Variants in GATA3 observed in about 807,000 individuals in gnomAD.
GATA3 encodes GATA binding protein 3.
GATA3 carries 6 observed loss-of-function variants against 36.0 expected under a neutral mutation model. The ratio of observed to expected loss-of-function variants is 0.17; its 90% CI spans 0.09 to 0.33. The LOEUF (loss-of-function observed/expected upper bound fraction) is 0.33, where lower values mean the gene tolerates loss of function less well. GATA3 is among the 10% of genes least tolerant of loss of function. GATA3 has a pLI of 1.00. For synonymous variants in GATA3, 326 were observed against 273.0 expected (o/e 1.19, Z -1.92); for missense variants, 514 against 610.1 (o/e 0.84, Z 1.66).
chr10:8,067,859 AAAAAC>A (rs1051086793), intron 4 of GATA3, among the ~76,000 whole-genome samples: 61 of 152,052 alleles, frequency 4.0e-4, no homozygotes, highest in Middle Eastern at 3.4e-3. Context: ...ACAAAAAACA[AAAAAC>A]AAAACTGTAC....
intron 5 of GATA3, 112 bp downstream of exon 5, chr10:8,069,710 G>A: frequency 7.7e-7 from 1 of 1,299,054 alleles, no homozygotes; most frequent in East Asian, 2.5e-5. Context: ...CAGATGACAG[G>A]TTCCAAATAA....
intron 3 of GATA3, among the ~76,000 whole-genome samples, chr10:8,060,101 G>T (rs1444803356): frequency 6.6e-6 from 1 of 152,140 alleles, no homozygotes; most frequent in Non-Finnish European, 1.5e-5. Context: ...AGTTTTCAGG[G>T]TTTTTTTCCA....
In GATA3 at chr10:8,075,136, T is replaced by C. The variant is rs1832993981; in HGVS notation, c.*1113T>C. On this transcript the variant is annotated 3_prime_UTR_variant, in exon 6 of 6. Transcript: ENST00000379328. ...TGTTCTGTGTTAGTGATCACTGCCT[T>C]TAATACAGTCTGTTGGAATAATATT... is the stretch of plus-strand genomic sequence containing the variant. The C allele has an allele frequency of 8.6e-6, 2 of 232,488 alleles. No homozygotes were observed. The highest frequency in any genetic ancestry group is 4.4e-5 in the African/African-American group (2 of 45,298). The allele number at this position is 232,488 out of a possible 1,614,324, so 14.4% of individuals were successfully genotyped here.
At position 8,069,455 on chromosome 10, in the gene GATA3, C is replaced by G. The variant is rs543958002; in HGVS notation, c.925-18C>G. On this transcript the variant is annotated intron_variant, in intron 4 of 5. Transcript: ENST00000379328. The stretch of plus-strand genomic sequence containing the variant: ...ACATTTGTTTTGATTTCACCCTCTC[C>G]TCTCTCCCCACTCTCAGTCTGCAGC... 6.2e-7 allele frequency: 1 copy of G among 1,612,828 alleles called. No individual in the cohort carries two copies. Among genetic ancestry groups the G allele is most frequent in the Admixed American group, 1.7e-5 (1 of 59,982 alleles).
At position 8,058,672 on chromosome 10, in the gene GATA3, C is replaced by A. The variant is rs1438152893; in HGVS notation, c.609C>A (p.Gly203=). The A allele has an allele frequency of 6.2e-7, 1 of 1,613,308 alleles. No homozygotes were observed. The highest frequency in any genetic ancestry group is 2.2e-5 in the East Asian group (1 of 44,856). The change falls in exon 3 of 6, where the codon GGC becomes GGA. Residue 203 remains glycine (G), a synonymous_variant. Coordinates refer to ENST00000379328, the MANE Select transcript of GATA3 (RefSeq NM_001002295.2). ...SMKLESSHSR[G]SMTALGGASS... The stretch of plus-strand genomic sequence containing the variant: ...AGCTGGAGTCGTCCCACTCCCGTGG[C>A]AGCATGACCGCCCTGGGTGGAGCCT...
At position 8,058,327 on chromosome 10, in the gene GATA3, T is replaced by C. The variant is rs750933337; in HGVS notation, c.264T>C (p.Pro88=). The change falls in exon 3 of 6, where the codon CCT becomes CCC. Residue 88 remains proline, a synonymous_variant. Coordinates refer to ENST00000379328, the MANE Select transcript of GATA3 (RefSeq NM_001002295.2). ...CAGGGAGCCAGGTGTGCCGCCCGCC[T>C]CTGCTTCATGGATCCCTACCCTGGC... ...THHGSQVCRP[P]LLHGSLPWLD... The C allele has an allele frequency of 1.8e-5, 29 of 1,613,442 alleles. 1 individual carries two copies. In the South Asian group the frequency reaches 3.2e-4, roughly 18 times the overall value.
chr10:8,064,721 C>T (rs1047866343), intron 4 of GATA3, among the ~76,000 whole-genome samples: 1 of 152,246 alleles, frequency 6.6e-6, no homozygotes, highest in Non-Finnish European at 1.5e-5. Flanking sequence ...CCACTTTCCT[C>T]CTTTCTTGGT....
chr10:8,064,160 G>T, intron 4 of GATA3, 22 bp downstream of exon 4: 2 of 1,614,062 alleles, frequency 1.2e-6, no homozygotes, highest in South Asian at 2.2e-5. Flanking sequence ...GGAAGGGATG[G>T]ATTCCATGCT....
chr10:8,058,529 A>C lies in GATA3; in HGVS notation c.466A>C (p.Thr156Pro), dbSNP rs992348054. 1.6e-5 allele frequency: 25 copies of C among 1,580,756 alleles called. No individual in the cohort carries two copies. The highest frequency in any genetic ancestry group is 1.3e-4 in the African/African-American group (9 of 69,306). Residue 156 changes from threonine to proline, a missense_variant, in exon 3 of 6, where the codon ACC becomes CCC. By Grantham distance (38) the Thr-to-Pro change is conservative. This residue lies in a region of GATA3 where 381 missense variants were observed against 354.3 expected (regional missense o/e 1.08). Transcript: ENST00000379328. ...CCCGCACCTCTTCACCTTCCCGCCC[A>C]CCCCGCCGAAGGACGTCTCCCCGGA... Reference protein sequence around the residue: ...ASPHLFTFPPTPPKDVSPDPS... With the variant: ...ASPHLFTFPPPPPKDVSPDPS...
Position 8,074,077 on chromosome 10 carries a change from G to A in GATA3, c.*54G>A, listed in dbSNP as rs2131523802. Reference sequence around the variant, plus strand: ...AGCGAGAGTCCCTGCAGTCCCTTTCGACTTGCATTTTTGCAGGAGCAGTAT... The same window carrying A: ...AGCGAGAGTCCCTGCAGTCCCTTTCAACTTGCATTTTTGCAGGAGCAGTAT... On this transcript the variant is annotated 3_prime_UTR_variant, in exon 6 of 6. Coordinates refer to ENST00000379328, the MANE Select transcript of GATA3 (RefSeq NM_001002295.2). 4 of 1,587,038 alleles carry A rather than the reference G, an allele frequency of 2.5e-6. No homozygotes were observed. Among genetic ancestry groups the A allele is most frequent in the Middle Eastern group, 1.7e-4 (1 of 5,956 alleles).
intron 4 of GATA3, among the ~76,000 whole-genome samples, chr10:8,065,700 GTTTTTT>G (rs748515966): frequency 1.6e-5 from 1 of 62,290 alleles, no homozygotes. Flanking sequence ...CAGCAGTTTG[GTTTTTT>G]TTTTTTTTTT....
Position 8,074,635 on chromosome 10 carries a change from G to A in GATA3, c.*612G>A, listed in dbSNP as rs1058240. 0.82 allele frequency: 192,611 copies of A among 233,718 alleles called. 79,772 individuals are homozygous for A. Among genetic ancestry groups the A allele is most frequent in the East Asian group, 0.98 (16,279 of 16,590 alleles). The allele number at this position is 233,718 out of a possible 1,614,324, so 14.5% of individuals were successfully genotyped here. A position where few individuals can be genotyped will look rare whatever the true frequency, so the allele number is the denominator to read the frequency against. On this transcript the variant is annotated 3_prime_UTR_variant, in exon 6 of 6. Coordinates refer to ENST00000379328, the MANE Select transcript of GATA3 (RefSeq NM_001002295.2). ...TCAGTGTTACCGTTCACCAGTTGCC[G>A]TTGAGGGTTTCAGAGAGCCTTTTTC...
At chr10:8,059,150 G>A (rs1274165397) in intron 3 of GATA3, among the ~76,000 whole-genome samples, 3 of 152,184 alleles carry the variant, frequency 2.0e-5, no homozygotes, top group Non-Finnish European at 4.4e-5. Flanking sequence ...GATTGGGCTG[G>A]TAACCTTTAG....
upstream of GATA3, among the ~76,000 whole-genome samples, chr10:8,051,980 C>G (rs1223310256): frequency 6.6e-6 from 1 of 152,174 alleles, no homozygotes; most frequent in African/African-American, 2.4e-5. Context: ...ATCCTTTTCC[C>G]TTCCCCGCTG....
upstream of GATA3, among the ~76,000 whole-genome samples, chr10:8,051,986 C>T (rs513142): frequency 0.77 from 116,822 of 151,666 alleles, 45,134 homozygotes; most frequent in East Asian, 0.95. Context: ...TTCCCTTCCC[C>T]GCTGCCCTGT....
At chr10:8,061,238 G>A (rs1375459149) in intron 3 of GATA3, among the ~76,000 whole-genome samples, 2 of 152,192 alleles carry the variant, frequency 1.3e-5, no homozygotes, top group Non-Finnish European at 2.9e-5. Context: ...TCGGGGCTGG[G>A]ACGAAGCTTT....
rs1755278273 is a variant in GATA3, at chr10:8,064,855, T to G, written c.924+717T>G. Among the ~76,000 whole-genome samples the G allele has an allele frequency of 2.6e-5, 4 of 152,336 alleles. No individual in the cohort carries two copies. The South Asian group carries it at 8.3e-4, about 32-fold the overall frequency. On this transcript the variant is annotated intron_variant, in intron 4 of 5. Transcript: ENST00000379328. ...ACCAGTAAGGTGATAGTTTTTTCTC[T>G]CCTCTCTCATTATTCTTTTAAAAAC...
intron 5 of GATA3, 101 bp downstream of exon 5, chr10:8,069,699 G>T: frequency 1.5e-6 from 2 of 1,353,556 alleles, no homozygotes; most frequent in Non-Finnish European, 2.1e-6. Flanking sequence ...CACCATGGGG[G>T]CAGATGACAG....
At chr10:8,056,004 T>C in intron 2 of GATA3, 108 bp downstream of exon 2, 1 of 1,420,602 alleles carries the variant, frequency 7.0e-7, no homozygotes, top group South Asian at 1.2e-5. Context: ...AAAGCCCCCA[T>C]CTGCCGTTCC....
Sources: gnomAD v4.1 joint callset for allele counts (sites outside exome capture counted in the v4.1 genomes callset) on GRCh38, gnomAD v4.1.1 for gene constraint, gnomAD v4.1.1 regional missense constraint, MANE v1.5 for transcripts, NCBI Gene and HGNC (gene_info 2026-07-23, HGNC 2026-07-21) for gene names.